Variants in DCDC1 observed in about 807,000 individuals in gnomAD.
DCDC1 encodes the protein doublecortin domain containing 1, also known as doublecortin domain-containing protein 1.
DCDC1 carries 200 observed loss-of-function variants against 178.3 expected under a neutral mutation model. The ratio of observed to expected loss-of-function variants is 1.12; its 90% confidence interval spans 1.00 to 1.26. DCDC1 has a LOEUF of 1.26. Ranked by LOEUF, DCDC1 falls within the 50% of genes most tolerant of loss-of-function variation. DCDC1 has a pLI of 0.00. For missense variants in DCDC1, 1,983 were observed against 1,749.2 expected, an observed-to-expected ratio of 1.13 and a Z score of -2.38; for synonymous variants, 690 against 604.8, an observed-to-expected ratio of 1.14 and a Z score of -2.07.
intron 20 of DCDC1, among the ~76,000 whole-genome samples, chr11:31,003,378 T>C (rs1302465825): frequency 1.3e-5 from 2 of 152,114 alleles, no homozygotes; most frequent in Non-Finnish European, 2.9e-5. Context: ...CCTACCTCTA[T>C]AATTTACTGC....
At chr11:31,274,754 G>T (rs929155096) in intron 7 of DCDC1, among the ~76,000 whole-genome samples, 8 of 149,002 alleles carry the variant, frequency 5.4e-5, no homozygotes, top group African/African-American at 1.7e-4. Flanking sequence ...AGGCTGGAGT[G>T]CAATGGCATG....
intron 20 of DCDC1, among the ~76,000 whole-genome samples, chr11:31,030,170 A>G (rs1953527867): frequency 6.7e-6 from 1 of 150,090 alleles, no homozygotes; most frequent in African/African-American, 2.5e-5. Context: ...TGAACTGCTT[A>G]TCTTTCATAG....
intron 8 of DCDC1, among the ~76,000 whole-genome samples, chr11:31,262,007 G>T (rs1944820497): frequency 6.6e-6 from 1 of 151,730 alleles, no homozygotes. Flanking sequence ...GATCATGCCT[G>T]TAATACCAGC....
chr11:31,001,331 T>C (rs1452126517), intron 20 of DCDC1, among the ~76,000 whole-genome samples: 1 of 152,188 alleles, frequency 6.6e-6, no homozygotes, highest in Non-Finnish European at 1.5e-5. Flanking sequence ...AAATGGTCAC[T>C]TTACCTTCAA....
intron 9 of DCDC1, among the ~76,000 whole-genome samples, chr11:31,182,877 A>T (rs1968991878): frequency 6.6e-6 from 1 of 152,162 alleles, no homozygotes; most frequent in Non-Finnish European, 1.5e-5. Context: ...AAAGACACAA[A>T]TAGGCTCAAA....
intron 38 of DCDC1, among the ~76,000 whole-genome samples, chr11:30,868,923 AC>A (rs1401390273): frequency 6.6e-6 from 1 of 152,232 alleles, no homozygotes; most frequent in Admixed American, 6.5e-5. Context: ...CTAATTTAAT[AC>A]GAAACATTCA....
rs139382128 is a variant in DCDC1, at chr11:30,980,622, T to G, written c.2592-28054A>C. 9.9e-4 allele frequency among the ~76,000 whole-genome samples: 150 copies of G among 152,272 alleles called. 1 individual carries two copies. Among genetic ancestry groups the G allele is most frequent in the African/African-American group, 3.2e-3 (135 of 41,554 alleles). The stretch of plus-strand genomic sequence containing the variant: ...GTGGCCCATGGGCTTCCATTTTTGT[T>G]TTTTTCTCAACCCTGCAAATTTTAA... On this transcript the variant is annotated intron_variant, in intron 20 of 38. Transcript: ENST00000684477.
chr11:30,997,943 C>T (rs73467168), intron 20 of DCDC1, among the ~76,000 whole-genome samples: 6,585 of 151,982 alleles, frequency 0.043, 465 homozygotes, highest in African/African-American at 0.15. Flanking sequence ...CAGCAAGGAA[C>T]CACAAGATGA....
chr11:31,240,804 G>A (rs764024375), intron 9 of DCDC1, among the ~76,000 whole-genome samples: 1 of 151,870 alleles, frequency 6.6e-6, no homozygotes, highest in Non-Finnish European at 1.5e-5. Context: ...TTACAAATGT[G>A]AATCCTACTT....
intron 9 of DCDC1, among the ~76,000 whole-genome samples, chr11:31,237,183 A>C (rs1217326755): frequency 1.3e-5 from 2 of 151,896 alleles, no homozygotes; most frequent in Non-Finnish European, 2.9e-5. Flanking sequence ...AGTGTGGATA[A>C]AGTGAGCCAA....
intron 7 of DCDC1, among the ~76,000 whole-genome samples, chr11:31,289,666 T>C (rs1458166844): frequency 6.6e-6 from 1 of 152,052 alleles, no homozygotes; most frequent in Non-Finnish European, 1.5e-5. Flanking sequence ...TAGGTGCATA[T>C]TATGAGTCTC....
rs1956174315 is a variant in DCDC1 at position 31,065,122 on chromosome 11, T to C, written c.2330A>G (p.Glu777Gly). 1.3e-6 allele frequency: 1 copy of C among 764,478 alleles called. No homozygotes were observed. The highest frequency in any genetic ancestry group is 1.7e-5 in the African/African-American group (1 of 59,058). The allele number at this position is 764,478 out of a possible 1,614,324, so 47.4% of individuals were successfully genotyped here. The change falls in exon 19 of 39, where the codon GAG (glutamate) becomes GGG (glycine). Residue 777 changes from glutamate (E) to glycine (G), a missense_variant. Physicochemically the swap from Glu to Gly is moderately conservative, Grantham distance 98. Coordinates refer to ENST00000684477, the MANE Select transcript of DCDC1 (RefSeq NM_001387274.1). The part of the protein sequence containing the change: ...AYPQFVLTYL[E>G]ELNAQVDVTQ... The stretch of plus-strand genomic sequence containing the variant: ...CACATCTACTTGTGCATTTAGCTCC[T>C]CTAGGTAGGTCAGAACAAACTGAGG...
chr11:31,110,449 T>C, intron 11 of DCDC1, 88 bp from the exon 12 acceptor site: 1 of 587,484 alleles, frequency 1.7e-6, no homozygotes, highest in East Asian at 2.8e-5. Flanking sequence ...ATTTAGGCAG[T>C]CATCCTTTTT....
chr11:31,303,531 T>C (rs1489480686), intron 6 of DCDC1, among the ~76,000 whole-genome samples: 1 of 152,172 alleles, frequency 6.6e-6, no homozygotes, highest in African/African-American at 2.4e-5. Flanking sequence ...AAAGGTAATC[T>C]TCAAGCTGAT....
intron 20 of DCDC1, among the ~76,000 whole-genome samples, chr11:30,983,296 T>C (rs1950481820): frequency 6.6e-6 from 1 of 152,192 alleles, no homozygotes; most frequent in Non-Finnish European, 1.5e-5. Flanking sequence ...CACCAACCAT[T>C]ACATGTCTTT....
chr11:31,325,806 A>G (rs993443015), intron 3 of DCDC1, among the ~76,000 whole-genome samples: 3 of 152,152 alleles, frequency 2.0e-5, no homozygotes, highest in African/African-American at 7.2e-5. Flanking sequence ...CAAATTGACT[A>G]TATTTTAATA....
intron 20 of DCDC1, among the ~76,000 whole-genome samples, chr11:30,992,978 GACCA>G (rs984249776): frequency 2.0e-5 from 3 of 151,878 alleles, no homozygotes; most frequent in African/African-American, 4.8e-5. Context: ...AGAGATTTGA[GACCA>G]ACCAAGTTAA....
chr11:30,932,807 G>A (rs760241763), intron 21 of DCDC1, among the ~76,000 whole-genome samples: 2 of 152,110 alleles, frequency 1.3e-5, no homozygotes, highest in Admixed American at 6.6e-5. Flanking sequence ...TCAGACTTGA[G>A]GATTAATAGA....
chr11:30,892,804 C>T lies in DCDC1; in HGVS notation c.5082+14G>A. On this transcript the variant is annotated intron_variant, in intron 36 of 38. Coordinates refer to ENST00000684477, the MANE Select transcript of DCDC1 (RefSeq NM_001387274.1). ...ACTCAGGCCTATGAAACACTCCTTT[C>T]ACACTAGATTTACCTCTGAAATAGT... The T allele has an allele frequency of 6.2e-7, 1 of 1,613,692 alleles. No individual in the cohort carries two copies. The highest frequency in any genetic ancestry group is 8.5e-7 in the Non-Finnish European group (1 of 1,179,750).
Sources: gnomAD v4.1 joint callset for allele counts (sites outside exome capture counted in the v4.1 genomes callset) on GRCh38, gnomAD v4.1.1 for gene constraint, MANE v1.5 for transcripts, NCBI Gene and HGNC (gene_info 2026-07-23, HGNC 2026-07-21) for gene names.